The following GPM6A variants were observed in gnomAD, a reference collection of about 807,000 sequenced individuals.
GPM6A encodes the protein glycoprotein M6A, also known as neuronal membrane glycoprotein M6-a.
In GPM6A, 7 loss-of-function variants were observed where a neutral mutation model predicts 32.1. That is an observed-to-expected ratio of 0.22 (90% CI 0.12 to 0.41). GPM6A has a LOEUF of 0.41. Among genes scored for constraint, GPM6A ranks in the 10% least tolerant of loss-of-function variants. GPM6A has a pLI of 1.00. For synonymous variants in GPM6A, 130 were observed against 123.4 expected (o/e 1.05, Z -0.35); for missense variants, 235 against 347.2 (o/e 0.68, Z 2.57).
At chr4:175,884,485 A>G (rs1737385935) in intron 1 of GPM6A, among the ~76,000 whole-genome samples, 1 of 152,116 alleles carries the variant, frequency 6.6e-6, no homozygotes, top group Non-Finnish European at 1.5e-5. Flanking sequence ...AATAAATCCA[A>G]CATTTGAACT....
chr4:175,713,379 G>C (rs375569594), intron 1 of GPM6A, among the ~76,000 whole-genome samples: 58 of 152,062 alleles, frequency 3.8e-4, no homozygotes, highest in African/African-American at 1.4e-3. Context: ...ATTTAGTAGA[G>C]ACGGGGTTTC....
In GPM6A at chr4:175,927,865, A is replaced by G. The variant is rs549412893; in HGVS notation, c.-23+74444T>C. ...ACGCCTCTGAACTCCAGCCTGGACC[A>G]TAGAGCAAGACTCCGTCTCAAAAAG... On this transcript the variant is annotated intron_variant, in intron 1 of 7. Coordinates refer to the GPM6A transcript ENST00000280187. Among the ~76,000 whole-genome samples, 9 of 152,306 alleles carry G rather than the reference A, an allele frequency of 5.9e-5. No individual in the cohort carries two copies. In the South Asian group the frequency reaches 1.9e-3, roughly 32 times the overall value.
intron 2 of GPM6A, among the ~76,000 whole-genome samples, chr4:175,699,174 A>T (rs1744736616): frequency 6.6e-6 from 1 of 152,164 alleles, no homozygotes; most frequent in Non-Finnish European, 1.5e-5. Flanking sequence ...AAATCTAGAA[A>T]ATGTCAGTTT....
intron 1 of GPM6A, among the ~76,000 whole-genome samples, chr4:175,734,009 C>T (rs17061928): frequency 0.052 from 7,902 of 152,130 alleles, 568 homozygotes; most frequent in East Asian, 0.39. Flanking sequence ...CTACTCAAAA[C>T]TGAACTTTCA....
intron 1 of GPM6A, among the ~76,000 whole-genome samples, chr4:175,823,807 T>A (rs1286743096): frequency 6.6e-6 from 1 of 152,200 alleles, no homozygotes; most frequent in Non-Finnish European, 1.5e-5. Context: ...AAAATTCTTA[T>A]CTCAAAAAAG....
chr4:175,652,354 G>A (rs1741857151), intron 3 of GPM6A, among the ~76,000 whole-genome samples: 1 of 152,022 alleles, frequency 6.6e-6, no homozygotes, highest in Admixed American at 6.6e-5. Flanking sequence ...AGGAATTCAG[G>A]AGAATTAAAA....
rs181532088 is a variant in GPM6A, at chr4:175,982,529, T to C, written c.-23+19780A>G. Among the ~76,000 whole-genome samples the C allele has an allele frequency of 2.4e-4, 36 of 152,288 alleles. 1 individual carries two copies. The East Asian group carries it at 3.5e-3, about 15-fold the overall frequency. ...TTGCTTTTCTCCACTTAATACTCTA[T>C]GTATCTTTGTCAAAAATAAGCTGAA... On this transcript the variant is annotated intron_variant, in intron 1 of 7. Transcript: ENST00000280187.
intron 1 of GPM6A, among the ~76,000 whole-genome samples, chr4:175,913,128 G>A (rs1738375244): frequency 6.6e-6 from 1 of 152,116 alleles, no homozygotes; most frequent in African/African-American, 2.4e-5. Context: ...AAAATATATT[G>A]CTGAATTTCT....
intron 1 of GPM6A, among the ~76,000 whole-genome samples, chr4:175,829,676 ATATATATATTACATATATG>A (rs1330898594): frequency 2.3e-3 from 337 of 147,572 alleles, no homozygotes; most frequent in African/African-American, 7.7e-3. Flanking sequence ...CATATAAAAC[ATATATATATTACATATATG>A]TATATATATT....
chr4:175,702,572 C>T (rs73002171), intron 1 of GPM6A, among the ~76,000 whole-genome samples: 9,440 of 151,990 alleles, frequency 0.062, 579 homozygotes, highest in East Asian at 0.35. Context: ...TGGAGTGCAG[C>T]GGAACAATCT....
chr4:175,870,747 C>T (rs1845725), intron 1 of GPM6A, among the ~76,000 whole-genome samples: 56,342 of 151,876 alleles, frequency 0.37, 10,659 homozygotes, highest in African/African-American at 0.47. Flanking sequence ...TCCTAGGGTT[C>T]TCCTATGGTT....
At chr4:175,795,042 A>G (rs1734163586) in intron 1 of GPM6A, among the ~76,000 whole-genome samples, 1 of 152,342 alleles carries the variant, frequency 6.6e-6, no homozygotes, top group Non-Finnish European at 1.5e-5. Flanking sequence ...CGATTACATT[A>G]CTGAGTACCT....
Position 175,770,632 on chromosome 4 carries a change from T to C in GPM6A, c.37+41559A>G, listed in dbSNP as rs116204390. ...GCACATGTGCTATATTTGTGCAACT[T>C]TCCTTTTCAAAATTTTCCCATGTGG... On this transcript the variant is annotated intron_variant, in intron 1 of 6. Coordinates refer to ENST00000393658, the MANE Select transcript of GPM6A (RefSeq NM_201591.3). Among the ~76,000 whole-genome samples the C allele has an allele frequency of 9.4e-3, 1,425 of 152,256 alleles. 11 individuals carry two copies. Among genetic ancestry groups the C allele is most frequent in the Non-Finnish European group, 0.013 (901 of 68,014 alleles).
intron 1 of GPM6A, among the ~76,000 whole-genome samples, chr4:176,001,186 C>T (rs918607743): frequency 2.0e-5 from 3 of 152,182 alleles, no homozygotes; most frequent in Non-Finnish European, 4.4e-5. Flanking sequence ...AATTTCAACC[C>T]GAGCACGTCA....
At chr4:175,888,914 C>T (rs1737545846) in intron 1 of GPM6A, among the ~76,000 whole-genome samples, 1 of 151,876 alleles carries the variant, frequency 6.6e-6, no homozygotes, top group Non-Finnish European at 1.5e-5. Context: ...GGAAAAAGTA[C>T]AATTGAATAT....
intron 1 of GPM6A, among the ~76,000 whole-genome samples, chr4:175,751,607 G>A (rs541964912): frequency 7.0e-4 from 106 of 152,096 alleles, no homozygotes; most frequent in African/African-American, 2.2e-3. Context: ...TTTTCCAGCC[G>A]ACTTGCCAAA....
At chr4:175,671,798 A>G (rs1378499116) in intron 3 of GPM6A, among the ~76,000 whole-genome samples, 1 of 152,092 alleles carries the variant, frequency 6.6e-6, no homozygotes, top group Non-Finnish European at 1.5e-5. Flanking sequence ...AACGCAGAAG[A>G]ATGCAGCTCC....
intron 4 of GPM6A, among the ~76,000 whole-genome samples, chr4:175,645,119 C>T (rs1173853323): frequency 2.0e-5 from 3 of 151,722 alleles, no homozygotes; most frequent in African/African-American, 7.3e-5. Context: ...AAATAATAAG[C>T]TGAAACTAGG....
intron 1 of GPM6A, among the ~76,000 whole-genome samples, chr4:175,713,284 C>T (rs984756064): frequency 6.6e-6 from 1 of 152,262 alleles, no homozygotes; most frequent in Middle Eastern, 3.4e-3. Flanking sequence ...CTCACTGCAA[C>T]CTCTGCCTCC....
Sources: gnomAD v4.1 joint callset for allele counts (sites outside exome capture counted in the v4.1 genomes callset) on GRCh38, gnomAD v4.1.1 for gene constraint, MANE v1.5 for transcripts, NCBI Gene and HGNC (gene_info 2026-07-23, HGNC 2026-07-21) for gene names.